The following MRPL19 variants were observed in gnomAD, a reference collection of about 807,000 sequenced individuals.
MRPL19 encodes mitochondrial ribosomal protein L19, also known as large ribosomal subunit protein bL19m.
MRPL19 carries 31 observed loss-of-function variants against 34.0 expected under a neutral mutation model. The ratio of observed to expected loss-of-function variants is 0.91; its 90% confidence interval spans 0.68 to 1.23. The LOEUF is 1.23. Among genes scored for constraint, MRPL19 ranks in the 50% most tolerant of loss-of-function variants. MRPL19 has a pLI of 0.00. For missense variants in MRPL19, 384 were observed against 367.6 expected (o/e 1.04, Z -0.37); for synonymous variants, 152 against 127.7 (o/e 1.19, Z -1.28).
chr2:75,658,326 C>CATGTGTCAGAATTTCATTTGTTTT lies in MRPL19; in HGVS notation c.*3042_*3065dup, dbSNP rs1678510905. ...TCCTTAAGATTCATCCATGTTGTGG[C>CATGTGTCAGAATTTCATTTGTTTT]ATGTGTCAGAATTTCATTTGTTTTT... On this transcript the variant is annotated 3_prime_UTR_variant, in exon 6 of 6. Coordinates refer to ENST00000393909, the MANE Select transcript of MRPL19 (RefSeq NM_014763.4). Among the ~76,000 whole-genome samples, 1 of 152,222 alleles carries CATGTGTCAGAATTTCATTTGTTTT rather than the reference C, an allele frequency of 6.6e-6. No homozygotes were observed. Among genetic ancestry groups the CATGTGTCAGAATTTCATTTGTTTT allele is most frequent in the East Asian group, 1.9e-4 (1 of 5,178 alleles).
At position 75,657,038 on chromosome 2, in the gene MRPL19, TTATC is replaced by T. The variant is rs1315097665; in HGVS notation, c.*1757_*1760del. Reference sequence around the variant, plus strand: ...TCCTTTTCTTACAACCAAAAAGCCTTTATCTATGGATTTGTTCACAGATAAGGGG... The same window carrying T: ...TCCTTTTCTTACAACCAAAAAGCCTTTATGGATTTGTTCACAGATAAGGGG... On this transcript the variant is annotated 3_prime_UTR_variant, in exon 6 of 6. Transcript: ENST00000393909. 6.6e-6 allele frequency: 1 copy of T among 152,192 alleles called. No homozygotes were observed. Among genetic ancestry groups the T allele is most frequent in the African/African-American group, 2.4e-5 (1 of 41,438 alleles). 9.4% of individuals were successfully genotyped at this position (152,192 alleles called of 1,614,324 possible).
intron 2 of MRPL19, 43 bp downstream of exon 2, chr2:75,647,262 G>T (rs1304128412): frequency 6.5e-7 from 1 of 1,527,730 alleles, no homozygotes; most frequent in Non-Finnish European, 8.8e-7. Context: ...TGGGGTCGGT[G>T]CGCGCGTGAG....
In MRPL19 at chr2:75,646,927, T is replaced by C. The variant is rs1472551349; in HGVS notation, c.103+17T>C. On this transcript the variant is annotated intron_variant, in intron 1 of 5. Coordinates refer to ENST00000393909, the MANE Select transcript of MRPL19 (RefSeq NM_014763.4). ...TCGCCTGCAGTAAGTGGAGCCGGACTTGCGAGCTGGGGCGCGTTAGGGGCC... is the reference window on the plus strand; with the variant it reads ...TCGCCTGCAGTAAGTGGAGCCGGACCTGCGAGCTGGGGCGCGTTAGGGGCC... The C allele has an allele frequency of 6.4e-7, 1 of 1,559,938 alleles. No homozygotes were observed. Among genetic ancestry groups the C allele is most frequent in the Admixed American group, 1.9e-5 (1 of 51,352 alleles).
intron 4 of MRPL19, 51 bp from the exon 5 acceptor site, chr2:75,654,685 G>GTAT (rs770607932): frequency 1.3e-6 from 2 of 1,558,022 alleles, no homozygotes; most frequent in South Asian, 2.3e-5. Context: ...TATGAAACAT[G>GTAT]TATAGGAACG....
rs1232902081 is a variant in MRPL19, at chr2:75,659,772, T to G, written c.*4487T>G. Among the ~76,000 whole-genome samples, 1 of 152,174 alleles carries G rather than the reference T, an allele frequency of 6.6e-6. No homozygotes were observed. The highest frequency in any genetic ancestry group is 1.9e-4 in the East Asian group (1 of 5,206). ...TTGAGGATTCCTCATTCTTGATGAG[T>G]CAGTTCTGTCTTATTGCTTTTCGGA... is the stretch of plus-strand genomic sequence containing the variant. On this transcript the variant is annotated 3_prime_UTR_variant, in exon 6 of 6. Coordinates refer to ENST00000393909, the MANE Select transcript of MRPL19 (RefSeq NM_014763.4).
chr2:75,658,113 C>T lies in MRPL19; in HGVS notation c.*2828C>T, dbSNP rs903919006. Among the ~76,000 whole-genome samples, 10 of 152,122 alleles carry T rather than the reference C, an allele frequency of 6.6e-5. No homozygotes were observed. Among genetic ancestry groups the T allele is most frequent in the African/African-American group, 2.4e-4 (10 of 41,426 alleles). On this transcript the variant is annotated 3_prime_UTR_variant, in exon 6 of 6. Transcript: ENST00000393909. ...TCTTTGAGACAAGGTCTCATTCTAT[C>T]ACTCAGGTAGGAGTGCAGTGGTGTG...
chr2:75,654,000 C>A (rs1039680909), intron 4 of MRPL19, among the ~76,000 whole-genome samples: 1 of 152,144 alleles, frequency 6.6e-6, no homozygotes, highest in African/African-American at 2.4e-5. Flanking sequence ...TGTGCAGTCT[C>A]TCTGGTTTAC....
chr2:75,651,858 C>G, intron 2 of MRPL19: 1 of 248,170 alleles, frequency 4.0e-6, no homozygotes, highest in Non-Finnish European at 7.8e-6. Context: ...GCTTCAGTTT[C>G]TTGCTCTGTA....
At chr2:75,647,794 G>A (rs1678254117) in intron 2 of MRPL19, 1 of 152,202 alleles carries the variant, frequency 6.6e-6, no homozygotes, top group African/African-American at 2.4e-5. Flanking sequence ...TTTTTAAAAA[G>A]CCAGTTTTCA....
Position 75,659,019 on chromosome 2 carries a change from G to A in MRPL19, c.*3734G>A, listed in dbSNP as rs926589778. Among the ~76,000 whole-genome samples, 11 of 151,996 alleles carry A rather than the reference G, an allele frequency of 7.2e-5. No homozygotes were observed. The highest frequency in any genetic ancestry group is 1.6e-4 in the Non-Finnish European group (11 of 67,982). On this transcript the variant is annotated 3_prime_UTR_variant, in exon 6 of 6. Coordinates refer to ENST00000393909, the MANE Select transcript of MRPL19 (RefSeq NM_014763.4). Reference sequence around the variant, plus strand: ...AAAATTTAATCCATTTGCATTTAAAGTAATTAAGGAAGGACTTTCTTCTAC... The same window carrying A: ...AAAATTTAATCCATTTGCATTTAAAATAATTAAGGAAGGACTTTCTTCTAC...
intron 2 of MRPL19, chr2:75,651,154 C>T (rs1678323384): frequency 2.8e-6 from 1 of 355,036 alleles, no homozygotes; most frequent in South Asian, 2.2e-5. Flanking sequence ...CAAGGTGCAT[C>T]CCTGGGCCAT....
chr2:75,658,309 A>T lies in MRPL19; in HGVS notation c.*3024A>T, dbSNP rs1433519993. Among the ~76,000 whole-genome samples, 1 of 152,064 alleles carries T rather than the reference A, an allele frequency of 6.6e-6. No individual in the cohort carries two copies. The highest frequency in any genetic ancestry group is 2.4e-5 in the African/African-American group (1 of 41,396). On this transcript the variant is annotated 3_prime_UTR_variant, in exon 6 of 6. Coordinates refer to ENST00000393909, the MANE Select transcript of MRPL19 (RefSeq NM_014763.4). ...TTCCTGGCCTCAAGCAGTCCTTAAG[A>T]TTCATCCATGTTGTGGCATGTGTCA... is the stretch of plus-strand genomic sequence containing the variant.
chr2:75,660,399 T>A lies in MRPL19; in HGVS notation c.*5114T>A, dbSNP rs1678580459. On this transcript the variant is annotated 3_prime_UTR_variant, in exon 6 of 6. Transcript: ENST00000393909. ...ATTTTGTTTTCAATGAGCCATACTT[T>A]CCTGTGTCTTTGTATGCTGTCTTTT... 6.6e-6 allele frequency: 1 copy of A among 152,218 alleles called. No homozygotes were observed. The highest frequency in any genetic ancestry group is 1.5e-5 in the Non-Finnish European group (1 of 68,046). 9.4% of individuals were successfully genotyped at this position (152,218 alleles called of 1,614,324 possible).
Position 75,647,229 on chromosome 2 carries a change from T to C in MRPL19, c.221+10T>C. On this transcript the variant is annotated intron_variant, in intron 2 of 5. Transcript: ENST00000393909. ...TGGAACCGGAACGCAGGTGAGGCAC[T>C]GCCCTGGCGCTAGGCCGGCAACTGG... 6.4e-7 allele frequency: 1 copy of C among 1,572,088 alleles called. No individual in the cohort carries two copies. Among genetic ancestry groups the C allele is most frequent in the Non-Finnish European group, 8.6e-7 (1 of 1,158,324 alleles).
chr2:75,648,129 C>G (rs1048454227), intron 2 of MRPL19, among the ~76,000 whole-genome samples: 3 of 151,890 alleles, frequency 2.0e-5, no homozygotes, highest in Admixed American at 2.0e-4. Flanking sequence ...CTAAGAGATT[C>G]AGAAAATATT....
At chr2:75,653,488 A>C (rs1678373680) in intron 4 of MRPL19, among the ~76,000 whole-genome samples, 1 of 152,234 alleles carries the variant, frequency 6.6e-6, no homozygotes, top group Admixed American at 6.5e-5. Context: ...CTAGCCAATC[A>C]ACTGTGAGAT....
chr2:75,646,858 G>A lies in MRPL19; in HGVS notation c.51G>A (p.Arg17=), dbSNP rs375279679. ...AGHWAAMGLG[R]SFQAARTLLP... ...ACTGGGCTGCAATGGGCCTAGGCCG[G>A]AGTTTCCAAGCCGCCAGGACTCTGC... Residue 17 remains arginine (R), a synonymous_variant, in exon 1 of 6, where the codon CGG becomes CGA. Transcript: ENST00000393909. 683 of 1,597,644 alleles carry A rather than the reference G, an allele frequency of 4.3e-4. 8 individuals are homozygous for A. In the Middle Eastern group the frequency reaches 0.023, roughly 53 times the overall value.
Position 75,660,115 on chromosome 2 carries a change from T to TC in MRPL19, c.*4833dup, listed in dbSNP as rs1454950459. ...TTTTTTTCAAGTTTGTTGATTCTTC[T>TC]CCCTGTTCAGATCAACTGTTGAACT... On this transcript the variant is annotated 3_prime_UTR_variant, in exon 6 of 6. Coordinates refer to ENST00000393909, the MANE Select transcript of MRPL19 (RefSeq NM_014763.4). Among the ~76,000 whole-genome samples, 2 of 152,160 alleles carry TC rather than the reference T, an allele frequency of 1.3e-5. No homozygotes were observed. Among genetic ancestry groups the TC allele is most frequent in the Admixed American group, 1.3e-4 (2 of 15,262 alleles).
At chr2:75,648,608 C>T (rs1004957444) in intron 2 of MRPL19, among the ~76,000 whole-genome samples, 6 of 151,832 alleles carry the variant, frequency 4.0e-5, no homozygotes, top group Non-Finnish European at 7.4e-5. Flanking sequence ...GACTGTTATC[C>T]CAGCACTTTG....
Sources: gnomAD v4.1 joint callset for allele counts (sites outside exome capture counted in the v4.1 genomes callset) on GRCh38, gnomAD v4.1.1 for gene constraint, MANE v1.5 for transcripts, NCBI Gene and HGNC (gene_info 2026-07-23, HGNC 2026-07-21) for gene names.